ROBO2: variants seen among roughly 807,000 people sequenced by gnomAD.
ROBO2 encodes the protein roundabout homolog 2.
ROBO2 carries 53 observed loss-of-function variants against 160.8 expected under a neutral mutation model. The ratio of observed to expected loss-of-function variants is 0.33; its 90% confidence interval spans 0.26 to 0.41. The LOEUF is 0.41. Among genes scored for constraint, ROBO2 ranks in the 10% least tolerant of loss-of-function variants. The probability of loss-of-function intolerance (pLI) is 1.00; values close to 1 mark genes in which losing one functional copy is unlikely to be tolerated. For synonymous variants in ROBO2, 664 were observed against 611.7 expected, an observed-to-expected ratio of 1.09 and a Z score of -1.26; for missense variants, 1,577 against 1,722.4, an observed-to-expected ratio of 0.92 and a Z score of 1.49.
At chr3:75,981,198 A>C (rs1226995585) in intron 2 of ROBO2, among the ~76,000 whole-genome samples, 1 of 151,538 alleles carries the variant, frequency 6.6e-6, no homozygotes, top group Non-Finnish European at 1.5e-5. Context: ...TTAGCTTCAC[A>C]GTGGTGAAGA....
intron 1 of ROBO2, among the ~76,000 whole-genome samples, chr3:75,920,289 C>T (rs575773862): frequency 4.1e-4 from 62 of 152,226 alleles, no homozygotes; most frequent in African/African-American, 1.5e-3. Flanking sequence ...GCTATTTACC[C>T]AGTAGTCAGT....
intron 21 of ROBO2, among the ~76,000 whole-genome samples, chr3:77,609,791 C>CATATATATAT (rs34908269): frequency 1.5e-3 from 220 of 143,674 alleles, no homozygotes; most frequent in African/African-American, 5.4e-3. Flanking sequence ...TTTATATATA[C>CATATATATAT]ATATATATAT....
intron 2 of ROBO2, among the ~76,000 whole-genome samples, chr3:77,465,001 A>G (rs1030246903): frequency 2.6e-5 from 4 of 152,210 alleles, no homozygotes; most frequent in African/African-American, 9.6e-5. Flanking sequence ...TTCAAAAATT[A>G]TCCCATTTGC....
intron 2 of ROBO2, among the ~76,000 whole-genome samples, chr3:76,589,323 G>A (rs1478559918): frequency 6.6e-6 from 1 of 151,678 alleles, no homozygotes; most frequent in Non-Finnish European, 1.5e-5. Flanking sequence ...TTTTTGAGAC[G>A]GCGTCTGGCG....
At chr3:76,972,396 G>T (rs1577956276) in intron 2 of ROBO2, among the ~76,000 whole-genome samples, 1 of 151,592 alleles carries the variant, frequency 6.6e-6, no homozygotes, top group African/African-American at 2.4e-5. Flanking sequence ...ACTTTGGTTT[G>T]TTAGTTCTTT....
chr3:76,098,716 A>G (rs1417625863), intron 2 of ROBO2, among the ~76,000 whole-genome samples: 2 of 152,178 alleles, frequency 1.3e-5, no homozygotes, highest in African/African-American at 4.8e-5. Context: ...TAACAAAGTA[A>G]ACATTATGGT....
chr3:76,865,190 A>T (rs2071239329), intron 2 of ROBO2, among the ~76,000 whole-genome samples: 1 of 151,966 alleles, frequency 6.6e-6, no homozygotes, highest in South Asian at 2.1e-4. Flanking sequence ...TGCTTCTCAA[A>T]TTATCATTGG....
chr3:77,399,147 A>T (rs2075568470), intron 2 of ROBO2, among the ~76,000 whole-genome samples: 1 of 152,172 alleles, frequency 6.6e-6, no homozygotes, highest in Non-Finnish European at 1.5e-5. Context: ...ATAGATTTCA[A>T]GAAAATACTT....
At chr3:76,132,396 G>GT (rs368493115) in intron 2 of ROBO2, among the ~76,000 whole-genome samples, 16 of 91,792 alleles carry the variant, frequency 1.7e-4, no homozygotes, top group African/African-American at 1.1e-3. Flanking sequence ...CAGACTGTTG[G>GT]GGGGGGGGGG....
intron 2 of ROBO2, among the ~76,000 whole-genome samples, chr3:77,460,639 A>T (rs1269322505): frequency 6.6e-6 from 1 of 152,224 alleles, no homozygotes; most frequent in Non-Finnish European, 1.5e-5. Flanking sequence ...ACACATTTAA[A>T]TTAGATGCAT....
chr3:76,643,439 G>A (rs780614809), intron 2 of ROBO2, among the ~76,000 whole-genome samples: 4 of 152,044 alleles, frequency 2.6e-5, no homozygotes, highest in Non-Finnish European at 5.9e-5. Flanking sequence ...ATGAAGATAC[G>A]ACATCCAAAC....
intron 2 of ROBO2, among the ~76,000 whole-genome samples, chr3:75,978,429 T>A (rs1338354506): frequency 6.6e-6 from 1 of 151,554 alleles, no homozygotes; most frequent in Non-Finnish European, 1.5e-5. Flanking sequence ...AATCTTCAAT[T>A]GATGGTGTTC....
chr3:76,661,742 G>A (rs2091830439), intron 2 of ROBO2, among the ~76,000 whole-genome samples: 1 of 152,136 alleles, frequency 6.6e-6, no homozygotes, highest in Non-Finnish European at 1.5e-5. Flanking sequence ...AAGCCTCCAG[G>A]AAGCAGGCTT....
chr3:76,103,603 G>A (rs932944745), intron 2 of ROBO2, among the ~76,000 whole-genome samples: 5 of 152,106 alleles, frequency 3.3e-5, no homozygotes, highest in Non-Finnish European at 5.9e-5. Flanking sequence ...GACTGTCCAC[G>A]TACATACTGG....
At chr3:75,930,564 A>G (rs1947491558) in intron 1 of ROBO2, among the ~76,000 whole-genome samples, 1 of 152,146 alleles carries the variant, frequency 6.6e-6, no homozygotes, top group South Asian at 2.1e-4. Context: ...TAAGCTCTAA[A>G]CACTACTAAA....
chr3:77,046,978 C>T (rs1339261444), intron 1 of ROBO2, among the ~76,000 whole-genome samples: 2 of 152,090 alleles, frequency 1.3e-5, no homozygotes, highest in African/African-American at 4.8e-5. Flanking sequence ...AAGGTGTACA[C>T]AGTATAGTCT....
chr3:76,781,958 A>G (rs926241242), intron 2 of ROBO2, among the ~76,000 whole-genome samples: 9 of 150,760 alleles, frequency 6.0e-5, no homozygotes, highest in Non-Finnish European at 1.2e-4. Flanking sequence ...TTTAATGTTT[A>G]GTAGCATTCA....
At chr3:76,233,592 C>T (rs747353402) in intron 2 of ROBO2, among the ~76,000 whole-genome samples, 9 of 152,324 alleles carry the variant, frequency 5.9e-5, no homozygotes, top group South Asian at 2.1e-4. Context: ...ATACAACCTA[C>T]GCATCAGCTC....
At chr3:76,406,418 T>C (rs1300949537) in intron 2 of ROBO2, among the ~76,000 whole-genome samples, 2 of 151,912 alleles carry the variant, frequency 1.3e-5, no homozygotes, top group African/African-American at 4.8e-5. Flanking sequence ...GGGAACTTGC[T>C]GTGATATTTC....
Sources: allele counts gnomAD v4.1 joint callset (sites outside exome capture counted in the v4.1 genomes callset), GRCh38; gene constraint gnomAD v4.1.1; transcripts MANE v1.5; gene names NCBI Gene and HGNC (gene_info 2026-07-23, HGNC 2026-07-21).